The following FRAS1 variants were observed in gnomAD, a reference collection of about 807,000 sequenced individuals.
The protein encoded by FRAS1 is extracellular matrix organizing protein FRAS1.
In FRAS1, 290 loss-of-function variants were observed where a neutral mutation model predicts 435.2. The observed-to-expected ratio is 0.67, with a 90% confidence interval of 0.61 to 0.73. The LOEUF is 0.73. Ranked by LOEUF, FRAS1 falls within the 30% of genes least tolerant of loss-of-function variation. The pLI, the probability that FRAS1 is intolerant of heterozygous loss-of-function variation, is 0.00. For synonymous variants in FRAS1, 1,800 were observed against 1,851.0 expected (o/e 0.97, Z 0.71); for missense variants, 4,860 against 5,001.5 (o/e 0.97, Z 0.85).
chr4:78,252,560 G>A lies in FRAS1; in HGVS notation c.469+9G>A. 1 of 1,609,706 alleles carries A rather than the reference G, an allele frequency of 6.2e-7. No individual in the cohort carries two copies. Among genetic ancestry groups the A allele is most frequent in the Non-Finnish European group, 8.5e-7 (1 of 1,178,194 alleles). On this transcript the variant is annotated intron_variant, in intron 5 of 73. Coordinates refer to ENST00000512123, the MANE Select transcript of FRAS1 (RefSeq NM_025074.7). ...TTGTGTGGGCCTTGGGAGTGAGTAT[G>A]AGCTTGTAGAAGGGGACCCTCTTTG...
chr4:78,197,425 A>G (rs748871821), intron 2 of FRAS1, among the ~76,000 whole-genome samples: 11 of 152,336 alleles, frequency 7.2e-5, no homozygotes, highest in Non-Finnish European at 1.3e-4. Context: ...TTTAATCATC[A>G]TCTTCATCCT....
At chr4:78,263,364 G>A (rs556317675) in intron 6 of FRAS1, among the ~76,000 whole-genome samples, 55 of 152,272 alleles carry the variant, frequency 3.6e-4, no homozygotes, top group South Asian at 3.3e-3. Flanking sequence ...ATAATTAGAT[G>A]TTGCCAATAA....
intron 2 of FRAS1, among the ~76,000 whole-genome samples, chr4:78,120,181 T>A (rs34552897): frequency 0.17 from 25,532 of 152,146 alleles, 2,324 homozygotes; most frequent in Admixed American, 0.21. Context: ...CCAACATATG[T>A]GCCAAGTATC....
At chr4:78,385,106 G>C (rs759816875) in intron 28 of FRAS1, among the ~76,000 whole-genome samples, 12 of 152,046 alleles carry the variant, frequency 7.9e-5, no homozygotes, top group Non-Finnish European at 1.5e-4. Context: ...AGCTCAGTGT[G>C]ATGGCCCTTC....
At chr4:78,277,464 C>A (rs539742880) in intron 9 of FRAS1, among the ~76,000 whole-genome samples, 1 of 152,094 alleles carries the variant, frequency 6.6e-6, no homozygotes, top group African/African-American at 2.4e-5. Flanking sequence ...AACCGCCCCC[C>A]CCATTCTTTA....
At chr4:78,294,210 G>C (rs891783295) in intron 14 of FRAS1, among the ~76,000 whole-genome samples, 1 of 152,224 alleles carries the variant, frequency 6.6e-6, no homozygotes, top group African/African-American at 2.4e-5. Flanking sequence ...GCTGAGATCT[G>C]AGCAGCTGTG....
At chr4:78,224,260 T>G (rs1435385677) in intron 2 of FRAS1, among the ~76,000 whole-genome samples, 1 of 152,262 alleles carries the variant, frequency 6.6e-6, no homozygotes. Flanking sequence ...ATCGTGGTCC[T>G]TGACGCCAGT....
intron 2 of FRAS1, among the ~76,000 whole-genome samples, chr4:78,098,906 C>T (rs1741965498): frequency 6.6e-6 from 1 of 152,186 alleles, no homozygotes; most frequent in South Asian, 2.1e-4. Flanking sequence ...GCAGTATAAG[C>T]AAGTAGAGTG....
intron 7 of FRAS1, among the ~76,000 whole-genome samples, chr4:78,266,100 T>C (rs1450994272): frequency 6.6e-6 from 1 of 152,198 alleles, no homozygotes; most frequent in Non-Finnish European, 1.5e-5. Flanking sequence ...ACTCTAAAAG[T>C]GCCTAAAATG....
chr4:78,516,877 A>G (rs1242410309), intron 66 of FRAS1, among the ~76,000 whole-genome samples: 2 of 152,232 alleles, frequency 1.3e-5, no homozygotes, highest in African/African-American at 4.8e-5. Context: ...GGGGATTACA[A>G]TTCAAGATGA....
chr4:78,182,057 C>T lies in FRAS1; in HGVS notation c.109-55453C>T, dbSNP rs369166498. On this transcript the variant is annotated intron_variant, in intron 2 of 73. Coordinates refer to ENST00000512123, the MANE Select transcript of FRAS1 (RefSeq NM_025074.7). Reference sequence around the variant, plus strand: ...TAAGTGCCCAGGCATGATGGTGGCTCGGCGGCGGGTTCCTCTACGGATTGC... The same window carrying T: ...TAAGTGCCCAGGCATGATGGTGGCTTGGCGGCGGGTTCCTCTACGGATTGC... 3.7e-5 allele frequency: 56 copies of T among 1,505,988 alleles called. 1 individual carries two copies. The highest frequency in any genetic ancestry group is 3.7e-4 in the South Asian group (27 of 73,220). 93.3% of individuals were successfully genotyped at this position (1,505,988 alleles called of 1,614,324 possible).
chr4:78,511,464 C>T lies in FRAS1; in HGVS notation c.9971C>T (p.Thr3324Ile). 1.2e-6 allele frequency: 2 copies of T among 1,613,850 alleles called. No homozygotes were observed. Among genetic ancestry groups the T allele is most frequent in the African/African-American group, 2.7e-5 (2 of 75,016 alleles). ...RGFQAQSFIATLKYLDVKHKE... is the reference protein window; with the variant it reads ...RGFQAQSFIAILKYLDVKHKE... ...TTCCAGGCTCAGTCCTTCATCGCAA[C>T]CTTGAAATACCTGGATGTCAAACAT... The change falls in exon 64 of 74, where the codon ACC (threonine) becomes ATC (isoleucine). Residue 3324 changes from threonine to isoleucine, a missense_variant. Physicochemically the swap from Thr to Ile is moderately conservative, Grantham distance 89. Transcript: ENST00000512123.
intron 2 of FRAS1, among the ~76,000 whole-genome samples, chr4:78,180,217 G>A (rs796562276): frequency 5.9e-5 from 9 of 152,090 alleles, no homozygotes; most frequent in South Asian, 2.1e-4. Flanking sequence ...GGGGGAAGCA[G>A]ATTTTTTTTT....
At chr4:78,318,178 A>G (rs1485462761) in intron 17 of FRAS1, among the ~76,000 whole-genome samples, 1 of 152,246 alleles carries the variant, frequency 6.6e-6, no homozygotes, top group African/African-American at 2.4e-5. Context: ...CTGTTTCAGA[A>G]GAGAAAATTT....
intron 67 of FRAS1, among the ~76,000 whole-genome samples, chr4:78,520,172 C>G (rs1415175713): frequency 1.3e-5 from 2 of 151,980 alleles, no homozygotes; most frequent in African/African-American, 4.8e-5. Flanking sequence ...CCTCCTCCTA[C>G]TGCTTCCACA....
At chr4:78,117,999 T>A (rs1718752833) in intron 2 of FRAS1, among the ~76,000 whole-genome samples, 1 of 152,240 alleles carries the variant, frequency 6.6e-6, no homozygotes, top group Non-Finnish European at 1.5e-5. Flanking sequence ...GACGAACAGA[T>A]GGGGTTTTGG....
chr4:78,464,154 G>A lies in FRAS1; in HGVS notation c.6888+9G>A, dbSNP rs778392977. The A allele has an allele frequency of 1.2e-6, 2 of 1,601,860 alleles. No homozygotes were observed. The highest frequency in any genetic ancestry group is 8.5e-7 in the Non-Finnish European group (1 of 1,175,460). On this transcript the variant is annotated intron_variant, in intron 48 of 73. Transcript: ENST00000512123. ...CTGATGGAGTCAGTGAGGTAGGTGA[G>A]GCACTGAACTCCATCCTTGAAAAGT... is the stretch of plus-strand genomic sequence containing the variant.
chr4:78,184,335 T>A (rs62308033), intron 2 of FRAS1, among the ~76,000 whole-genome samples: 3 of 152,224 alleles, frequency 2.0e-5, no homozygotes. Context: ...ATGGATGATA[T>A]GTAAATGAAT....
At chr4:78,346,814 G>A (rs1369200943) in intron 20 of FRAS1, among the ~76,000 whole-genome samples, 1 of 152,054 alleles carries the variant, frequency 6.6e-6, no homozygotes, top group Non-Finnish European at 1.5e-5. Flanking sequence ...TCCTCCCCCA[G>A]TGTCCCAGAG....
Sources: gnomAD v4.1 joint callset for allele counts (sites outside exome capture counted in the v4.1 genomes callset) on GRCh38, gnomAD v4.1.1 for gene constraint, MANE v1.5 for transcripts, NCBI Gene and HGNC (gene_info 2026-07-23, HGNC 2026-07-21) for gene names.